The following SPTBN4 variants were observed in gnomAD, a reference collection of about 807,000 sequenced individuals.
The protein encoded by SPTBN4 is spectrin beta chain, non-erythrocytic 4.
A neutral mutation model predicts 277.8 loss-of-function variants in SPTBN4; 96 were observed. The ratio of observed to expected loss-of-function variants is 0.35; its 90% CI spans 0.29 to 0.41. The LOEUF is 0.41. Among genes scored for constraint, SPTBN4 ranks in the 10% least tolerant of loss-of-function variants. SPTBN4 has a pLI of 1.00. For synonymous variants in SPTBN4, 1,481 were observed against 1,580.3 expected, an observed-to-expected ratio of 0.94 and a Z score of 1.49; for missense variants, 3,006 against 3,595.7, an observed-to-expected ratio of 0.84 and a Z score of 4.19.
At position 40,467,357 on chromosome 19, in the gene SPTBN4, G is replaced by T. The variant is rs1599696562; in HGVS notation, c.-16+52G>T. On this transcript the variant is annotated intron_variant, in intron 1 of 35. Transcript: ENST00000598249. The stretch of plus-strand genomic sequence containing the variant: ...CCTCCCCCAAGTATGTCCCCACCTG[G>T]CGAGCATCCCTCCTCCGCGCGCACG... 2.0e-5 allele frequency: 3 copies of T among 152,290 alleles called. No homozygotes were observed. The East Asian group carries it at 5.8e-4, about 29-fold the overall frequency. The allele number at this position is 152,290 out of a possible 1,614,324, so 9.4% of individuals were successfully genotyped here.
At chr19:40,542,502 T>C (rs1442061429) in intron 20 of SPTBN4, among the ~76,000 whole-genome samples, 1 of 152,096 alleles carries the variant, frequency 6.6e-6, no homozygotes, top group Non-Finnish European at 1.5e-5. Flanking sequence ...AGGCTCCTGC[T>C]TGGAGAGATG....
At chr19:40,474,753 G>A (rs2079928243) in intron 2 of SPTBN4, among the ~76,000 whole-genome samples, 1 of 152,040 alleles carries the variant, frequency 6.6e-6, no homozygotes, top group African/African-American at 2.4e-5. Context: ...TTAGATGGGT[G>A]TGGTGGTGGG....
chr19:40,504,148 CGG>C lies in SPTBN4; in HGVS notation c.1665+19_1665+20del. ...GGAGATGCAGGTGCCGGCGGGGGGG[CGG>C]GGATGCGGGTGGAGTGCCAGGAGGG... is the stretch of plus-strand genomic sequence containing the variant. On this transcript the variant is annotated intron_variant, in intron 12 of 35. Coordinates refer to ENST00000598249, the MANE Select transcript of SPTBN4 (RefSeq NM_020971.3). 4 of 645,758 alleles carry C rather than the reference CGG, an allele frequency of 6.2e-6. No individual in the cohort carries two copies. Among genetic ancestry groups the C allele is most frequent in the Non-Finnish European group, 8.5e-6 (4 of 471,382 alleles). The allele number at this position is 645,758 out of a possible 1,614,324, so 40.0% of individuals were successfully genotyped here. A position where few individuals can be genotyped will look rare whatever the true frequency, so the allele number is the denominator to read the frequency against.
Position 40,560,224 on chromosome 19 carries a change from C to T in SPTBN4, c.5736C>T (p.Ala1912=). ...TGTATGCGGGTGAACATGCCGAGGC[C>T]ATCGCTAGCCGGGAGCAGGAGGTGC... The part of the protein sequence containing the change: ...RTVYAGEHAE[A]IASREQEVLQ... Residue 1912 remains alanine, a synonymous_variant, in exon 27 of 36, where the codon GCC becomes GCT. Coordinates refer to ENST00000598249, the MANE Select transcript of SPTBN4 (RefSeq NM_020971.3). The surrounding 1 kb of genome is among the most constrained non-coding windows in gnomAD (Gnocchi z 5.2). 1.2e-6 allele frequency: 2 copies of T among 1,610,122 alleles called. No homozygotes were observed. Among genetic ancestry groups the T allele is most frequent in the Non-Finnish European group, 1.7e-6 (2 of 1,179,924 alleles).
At chr19:40,485,303 C>G (rs748313838) in intron 2 of SPTBN4, among the ~76,000 whole-genome samples, 5 of 152,142 alleles carry the variant, frequency 3.3e-5, no homozygotes, top group Non-Finnish European at 7.3e-5. Context: ...ATGTGCGCCA[C>G]TAAGTCCTGC....
chr19:40,499,242 G>A lies in SPTBN4; in HGVS notation c.784+1638G>A, dbSNP rs185595306. ...TTAGCAGAGACAGGGTTTCACCATT[G>A]TTGGCCAGGCTAGTCTCAAACTCCT... On this transcript the variant is annotated intron_variant, in intron 7 of 35. Transcript: ENST00000598249. Among the ~76,000 whole-genome samples, 6 of 142,990 alleles carry A rather than the reference G, an allele frequency of 4.2e-5. 1 individual carries two copies. Among genetic ancestry groups the A allele is most frequent in the Admixed American group, 2.8e-4 (4 of 14,110 alleles). 93.8% of individuals were successfully genotyped at this position (142,990 alleles called of 152,430 possible). A position where few individuals can be genotyped will look rare whatever the true frequency, so the allele number is the denominator to read the frequency against.
rs529933555 is a variant in SPTBN4, at chr19:40,519,712, C to G, written c.3215C>G (p.Ala1072Gly). Reference sequence around the variant, plus strand: ...GAGGAGCTGGGCGCCGAGTGGGGCGCGCTAGCTAGCGCGGCTCAGGCCTGC... The same window carrying G: ...GAGGAGCTGGGCGCCGAGTGGGGCGGGCTAGCTAGCGCGGCTCAGGCCTGC... ...GAEELGAEWGALASAAQACGE... is the reference protein window; with the variant it reads ...GAEELGAEWGGLASAAQACGE... Residue 1072 changes from alanine to glycine, a missense_variant, in exon 16 of 36, where the codon GCG (alanine) becomes GGG (glycine). Transcript: ENST00000598249. The surrounding 1 kb of genome is among the most constrained non-coding windows in gnomAD (Gnocchi z 5.7). 4.3e-4 allele frequency: 594 copies of G among 1,389,846 alleles called. 3 individuals carry two copies. The African/African-American group carries it at 8.0e-3, about 19-fold the overall frequency. 86.1% of individuals were successfully genotyped at this position (1,389,846 alleles called of 1,614,324 possible).
chr19:40,501,565 G>A (rs996080101), intron 7 of SPTBN4, among the ~76,000 whole-genome samples: 7 of 152,144 alleles, frequency 4.6e-5, no homozygotes, highest in African/African-American at 1.7e-4. Context: ...CTACTTGGGA[G>A]GCTGAGACAG....
chr19:40,563,789 G>A (rs896361475), intron 27 of SPTBN4, among the ~76,000 whole-genome samples: 7 of 114,442 alleles, frequency 6.1e-5, no homozygotes, highest in Admixed American at 3.6e-4. Flanking sequence ...CTGTAATCTC[G>A]GCTGAGATTG....
intron 35 of SPTBN4, 125 bp from the exon 36 acceptor site, chr19:40,575,277 TGCATCATCA>T: frequency 9.3e-7 from 1 of 1,073,246 alleles, no homozygotes; most frequent in Non-Finnish European, 1.3e-6. Flanking sequence ...GCTATGTAAC[TGCATCATCA>T]TCATCATCCC....
At chr19:40,543,563 C>T (rs777319197) in intron 20 of SPTBN4, among the ~76,000 whole-genome samples, 15 of 152,074 alleles carry the variant, frequency 9.9e-5, no homozygotes, top group Non-Finnish European at 2.1e-4. Flanking sequence ...TGGCTTGGTT[C>T]TTGAGTTTGG....
At chr19:40,555,866 G>T (rs1369842432) in intron 24 of SPTBN4, among the ~76,000 whole-genome samples, 2 of 151,868 alleles carry the variant, frequency 1.3e-5, no homozygotes, top group Non-Finnish European at 2.9e-5. Context: ...GCAGTGAGTT[G>T]TGATCACACC....
chr19:40,502,604 G>A lies in SPTBN4; in HGVS notation c.1203+97G>A. 1.4e-6 allele frequency: 2 copies of A among 1,429,224 alleles called. No individual in the cohort carries two copies. Among genetic ancestry groups the A allele is most frequent in the African/African-American group, 2.8e-5 (2 of 70,592 alleles). The allele number at this position is 1,429,224 out of a possible 1,614,324, so 88.5% of individuals were successfully genotyped here. A position where few individuals can be genotyped will look rare whatever the true frequency, so the allele number is the denominator to read the frequency against. ...AATCATTCACATTGTAGACATGATG[G>A]ATTAGATATTCATTCTGACAGTTTT... is the stretch of plus-strand genomic sequence containing the variant. On this transcript the variant is annotated intron_variant, in intron 10 of 35. Coordinates refer to ENST00000598249, the MANE Select transcript of SPTBN4 (RefSeq NM_020971.3). This position sits in a 1 kb window ranked among gnomAD's most constrained non-coding sequence, Gnocchi z 4.9.
In SPTBN4 at chr19:40,560,732, T is replaced by C; in HGVS notation, c.5915+329T>C. On this transcript the variant is annotated intron_variant, in intron 27 of 35. Coordinates refer to ENST00000598249, the MANE Select transcript of SPTBN4 (RefSeq NM_020971.3). The surrounding 1 kb of genome is among the most constrained non-coding windows in gnomAD (Gnocchi z 5.2). ...GTGGGACTGTATTTGTGAGGGTGGG[T>C]GAAGAATTCTAACAATTCCAGCATC... The C allele has an allele frequency of 7.4e-7, 1 of 1,356,922 alleles. No individual in the cohort carries two copies. Among genetic ancestry groups the C allele is most frequent in the Non-Finnish European group, 9.5e-7 (1 of 1,056,584 alleles). The allele number at this position is 1,356,922 out of a possible 1,614,324, so 84.1% of individuals were successfully genotyped here.
In SPTBN4 at chr19:40,575,448, C is replaced by T. The variant is rs1327131440; in HGVS notation, c.7574C>T (p.Ser2525Leu). 6.2e-7 allele frequency: 1 copy of T among 1,613,322 alleles called. No individual in the cohort carries two copies. The highest frequency in any genetic ancestry group is 8.5e-7 in the Non-Finnish European group (1 of 1,179,834). ...GGCTGGCTGGAGGCTGTAGCTTCCT[C>T]GGTGGCGGAACACGCAGAGATCGCC... ...MNGWLEAVAS[S>L]VAEHAEIARW... The change falls in exon 36 of 36, where the codon TCG becomes TTG. Residue 2525 changes from serine to leucine, a missense_variant. By Grantham distance (145) the Ser-to-Leu change is moderately radical. Transcript: ENST00000598249.
chr19:40,492,226 G>A (rs956400482), intron 4 of SPTBN4, among the ~76,000 whole-genome samples: 1 of 151,858 alleles, frequency 6.6e-6, no homozygotes, highest in African/African-American at 2.4e-5. Context: ...GGGAGAGGGT[G>A]TCCAGGGGAA....
intron 20 of SPTBN4, among the ~76,000 whole-genome samples, chr19:40,547,203 C>A (rs898257710): frequency 3.1e-5 from 4 of 129,462 alleles, no homozygotes; most frequent in African/African-American, 1.1e-4. Context: ...TGACAGGCCC[C>A]GGTGTGTGAT....
rs967527413 is a variant in SPTBN4, at chr19:40,567,981, G to C, written c.6655G>C (p.Ala2219Pro). The C allele has an allele frequency of 5.3e-6, 8 of 1,498,790 alleles. No homozygotes were observed. Among genetic ancestry groups the C allele is most frequent in the Admixed American group, 2.3e-5 (1 of 43,342 alleles). The allele number at this position is 1,498,790 out of a possible 1,614,324, so 92.8% of individuals were successfully genotyped here. Residue 2219 changes from alanine (A) to proline (P), a missense_variant, in exon 31 of 36, where the codon GCG becomes CCG. Around this residue, in one of 5 missense-constraint regions of SPTBN4, gnomAD observed 630 missense variants for 677.6 expected, o/e 0.93. Coordinates refer to ENST00000598249, the MANE Select transcript of SPTBN4 (RefSeq NM_020971.3). ...AAPEDAAETP[A>P]TPAAAEQVRP... The stretch of plus-strand genomic sequence containing the variant: ...ACCAGAGGACGCGGCGGAGACCCCC[G>C]CGACCCCCGCGGCGGCGGAGCAGGT...
At chr19:40,503,759 G>T (rs2080289814) in intron 11 of SPTBN4, 71 bp from the exon 12 acceptor site, 2 of 1,483,002 alleles carry the variant, frequency 1.3e-6, no homozygotes, top group Admixed American at 2.2e-5. Flanking sequence ...GAGTCCCCAG[G>T]GTCACACAGG....
Sources: allele counts gnomAD v4.1 joint callset (sites outside exome capture counted in the v4.1 genomes callset), GRCh38; gene constraint gnomAD v4.1.1; regional missense constraint gnomAD v4.1.1; non-coding constraint Gnocchi (gnomAD v3.1); transcripts MANE v1.5; gene names NCBI Gene and HGNC (gene_info 2026-07-23, HGNC 2026-07-21).